Variants in APC2 observed in about 807,000 individuals in gnomAD.
The protein encoded by APC2 is adenomatous polyposis coli protein 2.
Under a neutral mutation model 72.5 loss-of-function variants are expected in APC2, and 41 were observed. That is an observed-to-expected ratio of 0.57 (90% confidence interval 0.44 to 0.73). The LOEUF is 0.73. Ranked by LOEUF, APC2 falls within the 30% of genes least tolerant of loss-of-function variation. The probability of loss-of-function intolerance (pLI) is 0.00; values close to 1 mark genes in which losing one functional copy is unlikely to be tolerated. For synonymous variants in APC2, 1,898 were observed against 1,612.0 expected (o/e 1.18, Z -4.25); for missense variants, 3,729 against 3,403.4 (o/e 1.10, Z -2.38).
In APC2 at chr19:1,468,549, C is replaced by T; in HGVS notation, c.5248C>T (p.Arg1750Trp). The change falls in exon 15 of 15, where the codon CGG becomes TGG. Residue 1750 changes from arginine to tryptophan, a missense_variant. Arg to Trp is a moderately radical substitution (Grantham distance 101, BLOSUM62 -3). Transcript: ENST00000590469. ...QAEGEMGSAR[R>W]PEKRGAASVK... is the part of the protein sequence containing the mutation. Reference sequence around the variant, plus strand: ...GGAGGGAGAAATGGGCAGTGCCCGGCGGCCAGAGAAAAGGGGCGCAGCCTC... The same window carrying T: ...GGAGGGAGAAATGGGCAGTGCCCGGTGGCCAGAGAAAAGGGGCGCAGCCTC... 1.3e-6 allele frequency: 2 copies of T among 1,597,910 alleles called. No homozygotes were observed. The highest frequency in any genetic ancestry group is 8.5e-7 in the Non-Finnish European group (1 of 1,169,948).
At chr19:1,448,175 C>A (rs1238980249), upstream of APC2, among the ~76,000 whole-genome samples, 7 of 152,080 alleles carry the variant, frequency 4.6e-5, no homozygotes. Context: ...CCACCACGCG[C>A]CCTACCCCAT....
rs1290820939 is a variant in APC2 at position 1,468,237 on chromosome 19, G to A, written c.4936G>A (p.Gly1646Ser). ...ALPRRRPPVSGLRRRKPRATR... is the reference protein window; with the variant it reads ...ALPRRRPPVSSLRRRKPRATR... The stretch of plus-strand genomic sequence containing the variant: ...GCCCAGGCGCCGGCCCCCCGTGTCT[G>A]GCCTGCGGCGCCGCAAGCCCCGAGC... The change falls in exon 15 of 15, where the codon GGC (glycine) becomes AGC (serine). Residue 1646 changes from glycine (G) to serine (S), a missense_variant. Physicochemically the swap from Gly to Ser is moderately conservative, Grantham distance 56. Transcript: ENST00000590469. 4.0e-6 allele frequency: 6 copies of A among 1,501,498 alleles called. No homozygotes were observed. The Admixed American group carries it at 1.3e-4, about 33-fold the overall frequency. The allele number at this position is 1,501,498 out of a possible 1,614,324, so 93.0% of individuals were successfully genotyped here.
In APC2 at chr19:1,452,969, A is replaced by T. The variant is rs1458111591; in HGVS notation, c.-18-15A>T. ...CCCAGACCATCAGCTGAACCCTCTG[A>T]CCCTGTGATCCCAGACGCTGCAGGA... On this transcript the variant is annotated splice_polypyrimidine_tract_variant and intron_variant, in intron 1 of 14. Transcript: ENST00000590469. This position sits in a 1 kb window ranked among gnomAD's most constrained non-coding sequence, Gnocchi z 5.1. The T allele has an allele frequency of 1.2e-6, 2 of 1,609,246 alleles. No homozygotes were observed. The highest frequency in any genetic ancestry group is 1.7e-5 in the Admixed American group (1 of 59,928).
rs1568181273 is a variant in APC2, at chr19:1,467,446, C to A, written c.4145C>A (p.Pro1382Gln). Residue 1382 changes from proline (P) to glutamine (Q), a missense_variant, in exon 15 of 15, where the codon CCG (proline) becomes CAG (glutamine). By Grantham distance (76) the Pro-to-Gln change is moderately conservative. Coordinates refer to ENST00000590469, the MANE Select transcript of APC2 (RefSeq NM_005883.3). ...PVYMLVPAPA[P>Q]AQEDDSCTDS... Reference sequence around the variant, plus strand: ...TACATGTTGGTGCCCGCCCCGGCCCCGGCCCAGGAGGACGACTCCTGCACT... The same window carrying A: ...TACATGTTGGTGCCCGCCCCGGCCCAGGCCCAGGAGGACGACTCCTGCACT... 6.1e-6 allele frequency: 9 copies of A among 1,476,282 alleles called. No individual in the cohort carries two copies. The highest frequency in any genetic ancestry group is 8.1e-6 in the Non-Finnish European group (9 of 1,117,792). 91.4% of individuals were successfully genotyped at this position (1,476,282 alleles called of 1,614,324 possible). A position where few individuals can be genotyped will look rare whatever the true frequency, so the allele number is the denominator to read the frequency against.
chr19:1,465,841 T>G lies in APC2; in HGVS notation c.2540T>G (p.Leu847Arg). The G allele has an allele frequency of 1.3e-6, 2 of 1,576,802 alleles. No individual in the cohort carries two copies. Among genetic ancestry groups the G allele is most frequent in the Non-Finnish European group, 1.7e-6 (2 of 1,162,718 alleles). ...AAVAAKAKAK[L>R]ALAVARIDQL... is the part of the protein sequence containing the mutation. ...GTGGCGGCCAAGGCCAAGGCCAAGC[T>G]GGCGCTTGCAGTGGCGCGCATCGAC... Residue 847 changes from leucine (L) to arginine (R), a missense_variant, in exon 15 of 15, where the codon CTG becomes CGG. Leu to Arg is a moderately radical substitution (Grantham distance 102, BLOSUM62 -2). Transcript: ENST00000590469.
rs2084161487 is a variant in APC2 at position 1,473,013 on chromosome 19, C to G, written c.*2800C>G. 6.6e-6 allele frequency: 1 copy of G among 152,344 alleles called. No homozygotes were observed. The highest frequency in any genetic ancestry group is 1.5e-5 in the Non-Finnish European group (1 of 68,152). 9.4% of individuals were successfully genotyped at this position (152,344 alleles called of 1,614,324 possible). A position where few individuals can be genotyped will look rare whatever the true frequency, so the allele number is the denominator to read the frequency against. On this transcript the variant is annotated 3_prime_UTR_variant, in exon 15 of 15. Transcript: ENST00000590469. The stretch of plus-strand genomic sequence containing the variant: ...TCCGACAGCATTACCTCACCCGGCC[C>G]CATCTGTTGCCCCGGTCCAGCCCTG...
In APC2 at chr19:1,453,089, A is replaced by G. The variant is rs1358300376; in HGVS notation, c.88A>G (p.Arg30Gly). 4 of 1,609,306 alleles carry G rather than the reference A, an allele frequency of 2.5e-6. No individual in the cohort carries two copies. The highest frequency in any genetic ancestry group is 2.5e-6 in the Non-Finnish European group (3 of 1,178,818). The change falls in exon 2 of 15, where the codon AGG (arginine) becomes GGG (glycine). Residue 30 changes from arginine to glycine, a missense_variant. Coordinates refer to ENST00000590469, the MANE Select transcript of APC2 (RefSeq NM_005883.3). Reference protein sequence around the residue: ...AENSHLRQELRDNSSHLSKLE... With the variant: ...AENSHLRQELGDNSSHLSKLE... ...GAACAGCCACCTGAGGCAGGAGCTA[A>G]GGGACAACTCCAGCCACCTGTCCAA...
Position 1,470,499 on chromosome 19 carries a change from G to T in APC2, c.*286G>T, listed in dbSNP as rs113820744. On this transcript the variant is annotated 3_prime_UTR_variant, in exon 15 of 15. Coordinates refer to ENST00000590469, the MANE Select transcript of APC2 (RefSeq NM_005883.3). ...CGTCCTGGCCCAGCCCTGAGCGCGCGGCCCTTCCCCTGTCGGAAGCCGTTG... is the reference window on the plus strand; with the variant it reads ...CGTCCTGGCCCAGCCCTGAGCGCGCTGCCCTTCCCCTGTCGGAAGCCGTTG... 10,450 of 400,158 alleles carry T rather than the reference G, an allele frequency of 0.026. 787 individuals are homozygous for T. The highest frequency in any genetic ancestry group is 0.17 in the African/African-American group (8,165 of 47,576). 24.8% of individuals were successfully genotyped at this position (400,158 alleles called of 1,614,324 possible).
In APC2 at chr19:1,465,480, G is replaced by A; in HGVS notation, c.2179G>A (p.Glu727Lys). The A allele has an allele frequency of 6.5e-7, 1 of 1,529,102 alleles. No individual in the cohort carries two copies. The highest frequency in any genetic ancestry group is 1.2e-5 in the South Asian group (1 of 83,394). 94.7% of individuals were successfully genotyped at this position (1,529,102 alleles called of 1,614,324 possible). The stretch of plus-strand genomic sequence containing the variant: ...GTACGTGCGCAAGCAGCGGGCGCTG[G>A]AGGCCGAGCTGGACGCACGGCACCT... ...SLYVRKQRAL[E>K]AELDARHLAQ... Residue 727 changes from glutamate (E) to lysine (K), a missense_variant, in exon 15 of 15, where the codon GAG becomes AAG. Glu to Lys is a moderately conservative substitution (Grantham distance 56). Transcript: ENST00000590469.
chr19:1,459,176 C>T lies in APC2; in HGVS notation c.1304-1005C>T, dbSNP rs953669170. Among the ~76,000 whole-genome samples the T allele has an allele frequency of 4.6e-5, 7 of 152,266 alleles. No homozygotes were observed. In the South Asian group the frequency reaches 1.2e-3, roughly 27 times the overall value. ...CACTGAGCGTGACATCCTCAAGGTG[C>T]ACCTACGCCATAGTCTGTTTGTTTC... On this transcript the variant is annotated intron_variant, in intron 10 of 14. Coordinates refer to ENST00000590469, the MANE Select transcript of APC2 (RefSeq NM_005883.3).
intron 14 of APC2, among the ~76,000 whole-genome samples, chr19:1,464,085 G>A (rs1176219916): frequency 6.6e-6 from 1 of 152,030 alleles, no homozygotes; most frequent in Non-Finnish European, 1.5e-5. Flanking sequence ...GAGGTAGGTG[G>A]ATCACCTGAG....
At chr19:1,447,310 G>A (rs1049496211), upstream of APC2, among the ~76,000 whole-genome samples, 1 of 152,238 alleles carries the variant, frequency 6.6e-6, no homozygotes, top group African/African-American at 2.4e-5. Flanking sequence ...CATCAAGGGG[G>A]CGGGGACAGC....
intron 9 of APC2, 105 bp from the exon 10 acceptor site, chr19:1,457,860 T>A: frequency 1.0e-6 from 1 of 955,580 alleles, no homozygotes; most frequent in Non-Finnish European, 1.5e-6. Flanking sequence ...TTTGCAAAGC[T>A]CCCGGGATCC....
upstream of APC2, among the ~76,000 whole-genome samples, chr19:1,448,182 C>G (rs1421999934): frequency 6.6e-6 from 1 of 152,154 alleles, no homozygotes; most frequent in Non-Finnish European, 1.5e-5. Context: ...GCGCCCTACC[C>G]CATGGCTCCA....
Position 1,470,221 on chromosome 19 carries a change from G to C in APC2, c.*8G>C. 1.3e-6 allele frequency: 2 copies of C among 1,578,598 alleles called. No individual in the cohort carries two copies. Among genetic ancestry groups the C allele is most frequent in the Non-Finnish European group, 1.7e-6 (2 of 1,164,994 alleles). On this transcript the variant is annotated 3_prime_UTR_variant, in exon 15 of 15. Transcript: ENST00000590469. ...GCCACCCTCCTGGAATAGTGGCCTA[G>C]GCCGGCCTTCTGGAACGTTCTCTCC...
Position 1,456,907 on chromosome 19 carries a change from A to G in APC2, c.871A>G (p.Thr291Ala). The change falls in exon 9 of 15, where the codon ACA (threonine) becomes GCA (alanine). Residue 291 changes from threonine to alanine, a missense_variant. Transcript: ENST00000590469. ...SMLATRDQED[T>A]ARTLLAMSSS... ...GTTGGCGACGCGCGACCAGGAGGAT[A>G]CAGCGCGCACGCTGCTGGCCATGTC... is the stretch of plus-strand genomic sequence containing the variant. 6.3e-7 allele frequency: 1 copy of G among 1,582,690 alleles called. No individual in the cohort carries two copies. The highest frequency in any genetic ancestry group is 8.5e-7 in the Non-Finnish European group (1 of 1,172,152).
chr19:1,460,981 G>C, intron 12 of APC2, 56 bp from the exon 13 acceptor site: 1 of 1,603,584 alleles, frequency 6.2e-7, no homozygotes, highest in Non-Finnish European at 8.5e-7. Flanking sequence ...CATTTGCTGG[G>C]GGGTTTGGGG....
At position 1,467,893 on chromosome 19, in the gene APC2, C is replaced by A; in HGVS notation, c.4592C>A (p.Ser1531Ter). 2 of 1,580,612 alleles carry A rather than the reference C, an allele frequency of 1.3e-6. No individual in the cohort carries two copies. Among genetic ancestry groups the A allele is most frequent in the Admixed American group, 1.7e-5 (1 of 58,674 alleles). The change falls in exon 15 of 15, where the codon TCG (serine) becomes TAG (stop). Residue 1531 changes from serine (S) to a stop codon, truncating the protein, a stop_gained. Transcript: ENST00000590469. LOFTEE classifies it low-confidence loss of function (END_TRUNC). The part of the protein sequence containing the change: ...AAPTPTHRRT[S>*]AIPRAFTRER... ...CCCACGCCAACCCACCGGCGCACAT[C>A]GGCCATCCCTCGCGCTTTTACGCGG...
rs758392008 is a variant in APC2, at chr19:1,457,212, C to T, written c.1176C>T (p.Asp392=). 2.5e-5 allele frequency: 39 copies of T among 1,546,704 alleles called. No homozygotes were observed. Among genetic ancestry groups the T allele is most frequent in the South Asian group, 1.6e-4 (13 of 83,862 alleles). The change falls in exon 9 of 15, where the codon GAC becomes GAT. Residue 392 remains aspartate (D), a synonymous_variant. Coordinates refer to ENST00000590469, the MANE Select transcript of APC2 (RefSeq NM_005883.3). ...ETCWDWLQAR[D]GGPEGGGAGS... The stretch of plus-strand genomic sequence containing the variant: ...GCTGGGACTGGCTGCAGGCCCGAGA[C>T]GGCGGGCCCGAGGGAGGTGGCGCCG...
Sources: gnomAD v4.1 joint callset for allele counts (sites outside exome capture counted in the v4.1 genomes callset) on GRCh38, gnomAD v4.1.1 for gene constraint, Gnocchi (gnomAD v3.1) non-coding constraint, MANE v1.5 for transcripts, NCBI Gene and HGNC (gene_info 2026-07-23, HGNC 2026-07-21) for gene names.